STOM: variants seen among roughly 807,000 people sequenced by gnomAD.
STOM encodes the protein erythrocyte band 7 integral membrane protein.
In STOM, 25 loss-of-function variants were observed where a neutral mutation model predicts 30.6. The observed-to-expected ratio is 0.82, with a 90% CI of 0.60 to 1.14. The LOEUF (loss-of-function observed/expected upper bound fraction) is 1.14. Among genes scored for constraint, STOM ranks in the 50% most tolerant of loss-of-function variants. STOM has a pLI of 0.00. For synonymous variants in STOM, 118 were observed against 130.8 expected (o/e 0.90, Z 0.67); for missense variants, 292 against 365.2 (o/e 0.80, Z 1.63).
rs116871862 is a variant in STOM, at chr9:121,353,315, T to C, written c.239-13A>G. The C allele has an allele frequency of 0.014, 21,886 of 1,584,876 alleles. 194 individuals carry two copies. Among genetic ancestry groups the C allele is most frequent in the Non-Finnish European group, 0.017 (20,077 of 1,160,500 alleles). On this transcript the variant is annotated splice_polypyrimidine_tract_variant and intron_variant, in intron 3 of 6. Transcript: ENST00000286713. ...ATAAAAAACAAACCTGCAACAAAGATACACACATTATACAGACACCAGCAA... is the reference window on the plus strand; with the variant it reads ...ATAAAAAACAAACCTGCAACAAAGACACACACATTATACAGACACCAGCAA...
Position 121,369,952 on chromosome 9 carries a change from A to C in STOM, c.61+175T>G, listed in dbSNP as rs551510393. The C allele has an allele frequency of 8.4e-4, 482 of 572,628 alleles. 2 individuals carry two copies. The highest frequency in any genetic ancestry group is 1.3e-3 in the Non-Finnish European group (441 of 328,166). 35.5% of individuals were successfully genotyped at this position (572,628 alleles called of 1,614,324 possible). ...CCCGCCACCCCTCCATCGTGACCTC[A>C]GTCTGCCAAACAGGGTTCGTGATGC... On this transcript the variant is annotated intron_variant, in intron 1 of 6. Coordinates refer to ENST00000286713, the MANE Select transcript of STOM (RefSeq NM_004099.6).
chr9:121,349,474 A>C, intron 4 of STOM, 151 bp from the exon 5 acceptor site: 1 of 627,096 alleles, frequency 1.6e-6, no homozygotes, highest in Non-Finnish European at 2.7e-6. Flanking sequence ...AAATTTAATA[A>C]AATAAATTAT....
chr9:121,349,972 TGTAAA>T (rs2064324606), intron 4 of STOM, among the ~76,000 whole-genome samples: 1 of 152,258 alleles, frequency 6.6e-6, no homozygotes, highest in African/African-American at 2.4e-5. Flanking sequence ...TTTTCTCATT[TGTAAA>T]GTAGAGATTA....
chr9:121,349,386 A>G, intron 4 of STOM, 63 bp from the exon 5 acceptor site: 1 of 1,403,990 alleles, frequency 7.1e-7, no homozygotes, highest in South Asian at 1.2e-5. Context: ...AACTGTAAGG[A>G]ATGTTATTCT....
intron 1 of STOM, among the ~76,000 whole-genome samples, chr9:121,364,475 A>G (rs2064484706): frequency 6.6e-6 from 1 of 152,204 alleles, no homozygotes; most frequent in African/African-American, 2.4e-5. Flanking sequence ...ATCTATAGTT[A>G]TAAATGCTAG....
chr9:121,354,704 A>G (rs371596720), intron 2 of STOM, 31 bp from the exon 3 acceptor site: 16 of 1,523,902 alleles, frequency 1.0e-5, no homozygotes, highest in African/African-American at 1.4e-5. Context: ...ATAATTTAAC[A>G]TGAAGAGTAC....
intron 1 of STOM, among the ~76,000 whole-genome samples, chr9:121,365,595 A>G (rs567240997): frequency 7.2e-4 from 109 of 152,122 alleles, no homozygotes; most frequent in African/African-American, 2.6e-3. Flanking sequence ...GGGAAATGGA[A>G]GCAGAAGAAA....
intron 5 of STOM, 118 bp downstream of exon 5, chr9:121,349,002 A>G (rs1338543238): frequency 7.5e-6 from 9 of 1,194,244 alleles, no homozygotes; most frequent in East Asian, 5.2e-5. Flanking sequence ...TACTATGAAG[A>G]AAAAAAAACG....
At chr9:121,363,642 C>T (rs902343970) in intron 1 of STOM, among the ~76,000 whole-genome samples, 1 of 152,148 alleles carries the variant, frequency 6.6e-6, no homozygotes, top group Non-Finnish European at 1.5e-5. Context: ...TATTCTTTTG[C>T]CTTTTTAAAA....
At chr9:121,364,988 T>C (rs189548788) in intron 1 of STOM, among the ~76,000 whole-genome samples, 2 of 152,284 alleles carry the variant, frequency 1.3e-5, no homozygotes, top group Admixed American at 1.3e-4. Flanking sequence ...AGTCTACCCA[T>C]TGAAACATAG....
intron 1 of STOM, among the ~76,000 whole-genome samples, chr9:121,369,447 G>T (rs1054011931): frequency 1.4e-5 from 2 of 144,544 alleles, no homozygotes; most frequent in Admixed American, 1.4e-4. Context: ...GCCACTTACA[G>T]CTCCTGCCTT....
chr9:121,342,443 G>C (rs1036222584), intron 6 of STOM, among the ~76,000 whole-genome samples: 3 of 151,896 alleles, frequency 2.0e-5, no homozygotes, highest in Admixed American at 1.3e-4. Flanking sequence ...TTAGTTACAG[G>C]AAATTTTTAA....
intron 6 of STOM, among the ~76,000 whole-genome samples, chr9:121,346,637 C>T (rs754179240): frequency 6.6e-5 from 10 of 152,152 alleles, no homozygotes; most frequent in Non-Finnish European, 1.3e-4. Context: ...TTAATAACAT[C>T]GTAAACATAA....
chr9:121,353,134 A>C (rs1024338910), intron 4 of STOM, 86 bp downstream of exon 4: 1 of 579,502 alleles, frequency 1.7e-6, no homozygotes, highest in African/African-American at 2.0e-5. Flanking sequence ...ATAAATAAAT[A>C]AATAAAGCCT....
chr9:121,357,880 A>C (rs1358417891), intron 1 of STOM, among the ~76,000 whole-genome samples: 1 of 151,974 alleles, frequency 6.6e-6, no homozygotes, highest in African/African-American at 2.4e-5. Context: ...TAAAGTTTAA[A>C]AAGTCAAACC....
intron 6 of STOM, among the ~76,000 whole-genome samples, chr9:121,347,076 A>G (rs2064295950): frequency 6.6e-6 from 1 of 152,228 alleles, no homozygotes; most frequent in Non-Finnish European, 1.5e-5. Flanking sequence ...AGTTGGACCA[A>G]AAAGACTGTC....
At chr9:121,351,203 T>C (rs1377840560) in intron 4 of STOM, among the ~76,000 whole-genome samples, 2 of 152,232 alleles carry the variant, frequency 1.3e-5, no homozygotes, top group Non-Finnish European at 2.9e-5. Flanking sequence ...ATGTCTGTAA[T>C]GTTTATAGTG....
At chr9:121,369,429 G>A (rs1374676756) in intron 1 of STOM, among the ~76,000 whole-genome samples, 4 of 145,016 alleles carry the variant, frequency 2.8e-5, no homozygotes, top group African/African-American at 5.0e-5. Flanking sequence ...ACAGGGGAAC[G>A]AGACTGAGCC....
intron 5 of STOM, 149 bp from the exon 6 acceptor site, chr9:121,348,298 G>A: frequency 8.9e-7 from 1 of 1,118,002 alleles, no homozygotes; most frequent in Non-Finnish European, 1.3e-6. Flanking sequence ...GGTGACGCAG[G>A]GGCTGGCTCA....
Sources: allele counts gnomAD v4.1 joint callset (sites outside exome capture counted in the v4.1 genomes callset), GRCh38; gene constraint gnomAD v4.1.1; transcripts MANE v1.5; gene names NCBI Gene and HGNC (gene_info 2026-07-23, HGNC 2026-07-21).